The following CRPPA variants were observed in gnomAD, a reference collection of about 807,000 sequenced individuals.
CRPPA encodes D-ribitol-5-phosphate cytidylyltransferase.
A neutral mutation model predicts 52.0 loss-of-function variants in CRPPA; 43 were observed. The ratio of observed to expected loss-of-function variants is 0.83; its 90% CI spans 0.65 to 1.07. The LOEUF is 1.07. Among genes scored for constraint, CRPPA ranks in the 50% least tolerant of loss-of-function variants. The pLI, the probability that CRPPA is intolerant of heterozygous loss-of-function variation, is 0.00. For synonymous variants in CRPPA, 250 were observed against 203.5 expected, an observed-to-expected ratio of 1.23 and a Z score of -1.94; for missense variants, 629 against 551.7, an observed-to-expected ratio of 1.14 and a Z score of -1.40.
chr7:16,150,846 GAC>G (rs1172463030), intron 9 of CRPPA, among the ~76,000 whole-genome samples: 1 of 152,154 alleles, frequency 6.6e-6, no homozygotes, highest in Non-Finnish European at 1.5e-5. Context: ...GAGGGCAAGT[GAC>G]AGAGTGGGAT....
rs188769831 is a variant in CRPPA at position 16,417,326 on chromosome 7, A to G, written c.257+3740T>C. ...CCAAAAGAAAACAAATGCTTCTACCAAAAAGATGCATGCACCATGTTCATC... is the reference window on the plus strand; with the variant it reads ...CCAAAAGAAAACAAATGCTTCTACCGAAAAGATGCATGCACCATGTTCATC... On this transcript the variant is annotated intron_variant, in intron 1 of 9. Transcript: ENST00000407010. 1.5e-3 allele frequency among the ~76,000 whole-genome samples: 228 copies of G among 152,362 alleles called. 2 individuals carry two copies. The highest frequency in any genetic ancestry group is 5.3e-3 in the African/African-American group (222 of 41,588).
intron 8 of CRPPA, among the ~76,000 whole-genome samples, chr7:16,222,367 C>T (rs1177865955): frequency 7.5e-5 from 11 of 147,596 alleles, no homozygotes; most frequent in African/African-American, 1.7e-4. Context: ...GTGGGTGCAG[C>T]GCACCAGCAT....
intron 9 of CRPPA, among the ~76,000 whole-genome samples, chr7:16,192,119 G>A (rs1198778850): frequency 6.6e-6 from 1 of 152,052 alleles, no homozygotes; most frequent in Non-Finnish European, 1.5e-5. Context: ...TTTCTCATTA[G>A]TAAATGAAAT....
At chr7:16,254,792 G>GAAAGAAGGAAA (rs1783573898) in intron 8 of CRPPA, among the ~76,000 whole-genome samples, 1,397 of 101,686 alleles carry the variant, frequency 0.014, 15 homozygotes, top group Non-Finnish European at 0.017. Context: ...AAAGAAAGAA[G>GAAAGAAGGAAA]GAAAGAAAGA....
intron 3 of CRPPA, among the ~76,000 whole-genome samples, chr7:16,354,618 C>G (rs1342086731): frequency 1.3e-5 from 2 of 152,128 alleles, no homozygotes; most frequent in African/African-American, 2.4e-5. Context: ...TTCATTTTAG[C>G]TCTTCTGAGC....
At chr7:16,101,687 G>C (rs986557018) in intron 9 of CRPPA, among the ~76,000 whole-genome samples, 1 of 151,968 alleles carries the variant, frequency 6.6e-6, no homozygotes, top group Non-Finnish European at 1.5e-5. Context: ...TAGACAGAGA[G>C]CCAAATCATG....
intron 9 of CRPPA, chr7:16,209,273 C>CTTGTTTTTTTTTTTTTTTTTTTTTT (rs1782058176): frequency 1.6e-5 from 2 of 122,066 alleles, no homozygotes; most frequent in Non-Finnish European, 3.6e-5. Context: ...TTCTAAGTGT[C>CTTGTTTTTTTTTTTTTTTTTTTTTT]TTTTTTTTTT....
chr7:16,356,249 C>T (rs529542660), intron 3 of CRPPA, among the ~76,000 whole-genome samples: 5 of 152,240 alleles, frequency 3.3e-5, no homozygotes, highest in Middle Eastern at 3.4e-3. Flanking sequence ...TACATACTTC[C>T]TTCTCAACAA....
intron 3 of CRPPA, among the ~76,000 whole-genome samples, chr7:16,333,270 T>A (rs575322995): frequency 6.6e-6 from 1 of 152,294 alleles, no homozygotes; most frequent in East Asian, 1.9e-4. Flanking sequence ...ATCAACAGAA[T>A]AGAATTGATA....
chr7:16,392,166 T>G (rs1445101630), intron 2 of CRPPA, among the ~76,000 whole-genome samples: 1 of 152,154 alleles, frequency 6.6e-6, no homozygotes, highest in Non-Finnish European at 1.5e-5. Flanking sequence ...TCAGCTTTAG[T>G]ACTATAATAT....
At chr7:16,112,772 A>C in intron 9 of CRPPA, among the ~76,000 whole-genome samples, 1 of 152,154 alleles carries the variant, frequency 6.6e-6, no homozygotes, top group East Asian at 1.9e-4. Context: ...AGGTTGTAGG[A>C]GCAGGGAGAA....
At chr7:16,249,752 A>G (rs193093171) in intron 8 of CRPPA, among the ~76,000 whole-genome samples, 175 of 152,360 alleles carry the variant, frequency 1.1e-3, no homozygotes, top group African/African-American at 3.8e-3. Flanking sequence ...CCAAAGGTAG[A>G]TAAAACCACA....
intron 3 of CRPPA, among the ~76,000 whole-genome samples, chr7:16,336,902 T>C (rs1367707524): frequency 6.6e-6 from 1 of 152,116 alleles, no homozygotes. Flanking sequence ...GGTCATTCTA[T>C]ATTAATAAAG....
At chr7:16,100,037 A>G (rs1355715628) in intron 9 of CRPPA, among the ~76,000 whole-genome samples, 2 of 151,888 alleles carry the variant, frequency 1.3e-5, no homozygotes, top group Non-Finnish European at 2.9e-5. Flanking sequence ...AGCCACCTTC[A>G]CTCTATCAAA....
intron 9 of CRPPA, among the ~76,000 whole-genome samples, chr7:16,164,465 A>G (rs753674946): frequency 1.3e-5 from 2 of 152,106 alleles, no homozygotes; most frequent in African/African-American, 2.4e-5. Flanking sequence ...CTGCTCCTTT[A>G]GCTCAGAGGA....
Position 16,399,810 on chromosome 7 carries a change from C to G in CRPPA, c.534+6251G>C, listed in dbSNP as rs559655278. On this transcript the variant is annotated intron_variant, in intron 2 of 9. Transcript: ENST00000407010. Reference sequence around the variant, plus strand: ...GCACGTGACCAACACGTGACTGACACTTGATCGTCACGTGATCAGCACGTG... The same window carrying G: ...GCACGTGACCAACACGTGACTGACAGTTGATCGTCACGTGATCAGCACGTG... 3.9e-5 allele frequency among the ~76,000 whole-genome samples: 6 copies of G among 152,228 alleles called. No homozygotes were observed. In the South Asian group the frequency reaches 1.2e-3, roughly 32 times the overall value.
chr7:16,306,387 A>G (rs1784911876), intron 4 of CRPPA, among the ~76,000 whole-genome samples: 1 of 152,220 alleles, frequency 6.6e-6, no homozygotes, highest in South Asian at 2.1e-4. Flanking sequence ...AGGGGAGCAG[A>G]GCATCAAGAT....
intron 2 of CRPPA, among the ~76,000 whole-genome samples, chr7:16,393,377 A>T (rs1343750107): frequency 6.6e-6 from 1 of 152,130 alleles, no homozygotes; most frequent in East Asian, 1.9e-4. Context: ...AATAGTGACT[A>T]AGACAGGGTA....
chr7:16,421,374 C>T lies in CRPPA; in HGVS notation c.-52G>A. On this transcript the variant is annotated 5_prime_UTR_variant, in exon 1 of 10. Transcript: ENST00000407010. ...CTAGCCTCGGGCCGATGCGACCCCG[C>T]GCTGCTCCCACCCTCGGCCGGGGTC... 2 of 1,218,478 alleles carry T rather than the reference C, an allele frequency of 1.6e-6. No individual in the cohort carries two copies. The highest frequency in any genetic ancestry group is 2.0e-6 in the Non-Finnish European group (2 of 979,094). 75.5% of individuals were successfully genotyped at this position (1,218,478 alleles called of 1,614,324 possible).
Sources: gnomAD v4.1 joint callset for allele counts (sites outside exome capture counted in the v4.1 genomes callset) on GRCh38, gnomAD v4.1.1 for gene constraint, MANE v1.5 for transcripts, NCBI Gene and HGNC (gene_info 2026-07-23, HGNC 2026-07-21) for gene names.